FTO: variants seen among roughly 807,000 people sequenced by gnomAD.
FTO encodes alpha-ketoglutarate-dependent dioxygenase FTO.
In FTO, 47 loss-of-function variants were observed where a neutral mutation model predicts 63.9. That is an observed-to-expected ratio of 0.74 (90% CI 0.58 to 0.94). The LOEUF is 0.94. Ranked by LOEUF, FTO falls within the 40% of genes least tolerant of loss-of-function variation. FTO has a pLI of 0.00. For missense variants in FTO, 562 were observed against 618.1 expected (o/e 0.91, Z 0.96); for synonymous variants, 207 against 224.4 (o/e 0.92, Z 0.69).
Position 53,770,171 on chromosome 16 carries a change from TTA to T in FTO, c.46-39966_46-39965del, listed in dbSNP as rs1269318521. On this transcript the variant is annotated intron_variant, in intron 1 of 8. Coordinates refer to ENST00000471389, the MANE Select transcript of FTO (RefSeq NM_001080432.3). ...AATGAATAAATGTTTAACTAAATGC[TTA>T]TAAAATGGAGCCTTATATCAGCTTC... Among the ~76,000 whole-genome samples the T allele has an allele frequency of 3.9e-5, 6 of 152,340 alleles. No homozygotes were observed. In the East Asian group the frequency reaches 1.2e-3, roughly 29 times the overall value.
chr16:54,031,570 C>T (rs2084833446), intron 8 of FTO, among the ~76,000 whole-genome samples: 1 of 152,000 alleles, frequency 6.6e-6, no homozygotes, highest in Non-Finnish European at 1.5e-5. Flanking sequence ...TGGTGTGGGT[C>T]ACAGATCTGG....
chr16:53,921,840 T>C (rs776587876), intron 7 of FTO, among the ~76,000 whole-genome samples: 1 of 152,154 alleles, frequency 6.6e-6, no homozygotes, highest in Non-Finnish European at 1.5e-5. Flanking sequence ...GATATATTTA[T>C]GTATATTACT....
intron 8 of FTO, among the ~76,000 whole-genome samples, chr16:54,067,494 A>C (rs1028954640): frequency 2.6e-5 from 4 of 152,252 alleles, no homozygotes; most frequent in African/African-American, 9.6e-5. Context: ...TAAAATCCGC[A>C]TGTGCTCCGC....
At chr16:53,950,141 G>A (rs373864536) in intron 8 of FTO, among the ~76,000 whole-genome samples, 48 of 19,800 alleles carry the variant, frequency 2.4e-3, no homozygotes, top group African/African-American at 3.2e-3. Context: ...GAAAAAAAAA[G>A]ATATTCACAT....
At chr16:53,725,559 TTAAAA>T (rs2076134032) in intron 1 of FTO, among the ~76,000 whole-genome samples, 1 of 152,238 alleles carries the variant, frequency 6.6e-6, no homozygotes, top group African/African-American at 2.4e-5. Flanking sequence ...CATATAGTAC[TTAAAA>T]TAATTTATGT....
intron 8 of FTO, among the ~76,000 whole-genome samples, chr16:54,066,197 T>A (rs2085726497): frequency 6.6e-6 from 1 of 152,140 alleles, no homozygotes; most frequent in South Asian, 2.1e-4. Flanking sequence ...GACTTTCATA[T>A]GCATTGTTTT....
chr16:53,728,222 G>C (rs1478678724), intron 1 of FTO, among the ~76,000 whole-genome samples: 10 of 152,040 alleles, frequency 6.6e-5, no homozygotes, highest in Non-Finnish European at 1.3e-4. Flanking sequence ...CTGGGCAACA[G>C]TGCTAGACCC....
rs535272937 is a variant in FTO, at chr16:53,917,140, T to C, written c.1240-16845T>C. On this transcript the variant is annotated intron_variant, in intron 7 of 8. Transcript: ENST00000471389. Reference sequence around the variant, plus strand: ...TCCTTACTCTGCTACCCCATGAGAATCTGGGCCACTCATTGAACACTCCAA... The same window carrying C: ...TCCTTACTCTGCTACCCCATGAGAACCTGGGCCACTCATTGAACACTCCAA... 3.3e-5 allele frequency among the ~76,000 whole-genome samples: 5 copies of C among 152,300 alleles called. No homozygotes were observed. The South Asian group carries it at 1.0e-3, about 32-fold the overall frequency.
At chr16:53,875,698 G>T (rs2080628797) in intron 5 of FTO, among the ~76,000 whole-genome samples, 1 of 152,210 alleles carries the variant, frequency 6.6e-6, no homozygotes, top group Non-Finnish European at 1.5e-5. Flanking sequence ...AGGGATTTCA[G>T]TTTGTTCTCT....
intron 8 of FTO, among the ~76,000 whole-genome samples, chr16:53,951,198 T>G (rs1369355428): frequency 2.0e-5 from 3 of 152,154 alleles, no homozygotes; most frequent in African/African-American, 7.2e-5. Context: ...GAGCATCACT[T>G]TTTTTCTTTC....
Position 53,810,048 on chromosome 16 carries a change from ATTTG to A in FTO, c.46-86_46-83del, listed in dbSNP as rs572066686. On this transcript the variant is annotated intron_variant, in intron 1 of 8. Transcript: ENST00000471389. ...GATTATAAATTCAAAGTTGGCTAAA[ATTTG>A]TTTGTATTCTCTTATTGGAAAAATA... 737 of 804,108 alleles carry A rather than the reference ATTTG, an allele frequency of 9.2e-4. 6 individuals are homozygous for A. The highest frequency in any genetic ancestry group is 8.7e-3 in the African/African-American group (506 of 58,016). The allele number at this position is 804,108 out of a possible 1,614,324, so 49.8% of individuals were successfully genotyped here.
chr16:54,068,054 T>C (rs1402811194), intron 8 of FTO, among the ~76,000 whole-genome samples: 2 of 152,170 alleles, frequency 1.3e-5, no homozygotes, highest in Non-Finnish European at 2.9e-5. Flanking sequence ...ATCTTCTAAA[T>C]TTGTCTTTTT....
intron 7 of FTO, chr16:53,923,168 C>T (rs956291150): frequency 6.6e-6 from 1 of 152,176 alleles, no homozygotes; most frequent in African/African-American, 2.4e-5. Context: ...GACTAGAAAT[C>T]AAATCCCATT....
chr16:53,944,454 G>A (rs2082610708), intron 8 of FTO, among the ~76,000 whole-genome samples: 1 of 152,212 alleles, frequency 6.6e-6, no homozygotes, highest in Non-Finnish European at 1.5e-5. Context: ...TTATACGTGA[G>A]GATAGGTCAT....
intron 1 of FTO, among the ~76,000 whole-genome samples, chr16:53,743,714 T>G (rs1042371517): frequency 1.1e-4 from 17 of 151,842 alleles, no homozygotes; most frequent in African/African-American, 3.6e-4. Flanking sequence ...TTCCCTATTC[T>G]TTAATTTAAT....
chr16:53,765,898 A>C (rs1427900683), intron 1 of FTO, among the ~76,000 whole-genome samples: 2 of 152,208 alleles, frequency 1.3e-5, no homozygotes, highest in Admixed American at 1.3e-4. Flanking sequence ...TCCAAGTCCC[A>C]TTGGAAATCA....
intron 8 of FTO, among the ~76,000 whole-genome samples, chr16:53,987,069 T>C (rs1363437225): frequency 3.3e-5 from 5 of 152,136 alleles, no homozygotes; most frequent in Non-Finnish European, 5.9e-5. Flanking sequence ...ATTTTCTTTT[T>C]GGCAAGAAAA....
At chr16:54,100,771 A>T (rs919950713) in intron 8 of FTO, among the ~76,000 whole-genome samples, 1 of 152,228 alleles carries the variant, frequency 6.6e-6, no homozygotes, top group Non-Finnish European at 1.5e-5. Context: ...TCCCATGTCA[A>T]CAAAAGTCTC....
intron 8 of FTO, among the ~76,000 whole-genome samples, chr16:54,016,713 C>A (rs1990685): frequency 0.51 from 77,587 of 151,982 alleles, 21,799 homozygotes; most frequent in African/African-American, 0.74. Context: ...AGGCTGATAG[C>A]CTTTTCTCTC....
Sources: gnomAD v4.1 joint callset for allele counts (sites outside exome capture counted in the v4.1 genomes callset) on GRCh38, gnomAD v4.1.1 for gene constraint, MANE v1.5 for transcripts, NCBI Gene and HGNC (gene_info 2026-07-23, HGNC 2026-07-21) for gene names.